IQGAP1: variants seen among roughly 807,000 people sequenced by gnomAD.
The protein encoded by IQGAP1 is ras GTPase-activating-like protein IQGAP1.
In IQGAP1, 66 loss-of-function variants were observed where a neutral mutation model predicts 215.6. The ratio of observed to expected loss-of-function variants is 0.31; its 90% confidence interval spans 0.25 to 0.38. The LOEUF is 0.38. IQGAP1 is among the 10% of genes least tolerant of loss of function. The pLI, the probability that IQGAP1 is intolerant of heterozygous loss-of-function variation, is 1.00. For synonymous variants in IQGAP1, 772 were observed against 728.7 expected, an observed-to-expected ratio of 1.06 and a Z score of -0.96; for missense variants, 1,712 against 1,997.1, an observed-to-expected ratio of 0.86 and a Z score of 2.72.
rs1965825798 is a variant in IQGAP1 at position 90,466,021 on chromosome 15, T to C, written c.1797T>C (p.Ala599=). ...TGTAGGAAATCCAGGATGAGTCAGC[T>C]GTGTTATGGTTGGATGAAATTCAAG... ...EKAQEIQDES[A]VLWLDEIQGG... The change falls in exon 16 of 38, where the codon GCT becomes GCC. Residue 599 remains alanine, a synonymous_variant. Coordinates refer to ENST00000268182, the MANE Select transcript of IQGAP1 (RefSeq NM_003870.4). 1 of 1,614,152 alleles carries C rather than the reference T, an allele frequency of 6.2e-7. No homozygotes were observed. Among genetic ancestry groups the C allele is most frequent in the Non-Finnish European group, 8.5e-7 (1 of 1,179,988 alleles).
chr15:90,439,048 G>A (rs1313609675), intron 5 of IQGAP1, among the ~76,000 whole-genome samples: 1 of 152,042 alleles, frequency 6.6e-6, no homozygotes, highest in African/African-American at 2.4e-5. Context: ...TATGCATTGA[G>A]TTTGTGCCAG....
intron 2 of IQGAP1, among the ~76,000 whole-genome samples, chr15:90,419,739 G>A (rs17176602): frequency 0.07 from 10,693 of 152,184 alleles, 473 homozygotes; most frequent in Middle Eastern, 0.2. Context: ...GGGGAAAAAC[G>A]AGTCTCTGTT....
At chr15:90,432,911 T>C (rs574431607) in intron 4 of IQGAP1, among the ~76,000 whole-genome samples, 5 of 152,310 alleles carry the variant, frequency 3.3e-5, no homozygotes, top group South Asian at 4.1e-4. Context: ...AGTTCAAGGC[T>C]ATTCCCAGTC....
At chr15:90,465,348 A>G (rs150375749) in intron 15 of IQGAP1, among the ~76,000 whole-genome samples, 121 of 152,298 alleles carry the variant, frequency 7.9e-4, no homozygotes, top group Middle Eastern at 6.8e-3. Context: ...ATATTCATAT[A>G]TATACCCTGG....
At chr15:90,479,898 C>G (rs1966033129) in intron 26 of IQGAP1, among the ~76,000 whole-genome samples, 1 of 152,090 alleles carries the variant, frequency 6.6e-6, no homozygotes, top group South Asian at 2.1e-4. Flanking sequence ...AAGTGCAATA[C>G]TTGTCTGGGA....
intron 15 of IQGAP1, among the ~76,000 whole-genome samples, chr15:90,462,002 A>AGATAAAG (rs1555439596): frequency 7.0e-6 from 1 of 143,416 alleles, no homozygotes; most frequent in East Asian, 2.0e-4. Context: ...AAAAAAAAGA[A>AGATAAAG]AAAAAAAAAA....
At chr15:90,403,029 C>T (rs960731283) in intron 2 of IQGAP1, among the ~76,000 whole-genome samples, 19 of 151,984 alleles carry the variant, frequency 1.3e-4, no homozygotes, top group Admixed American at 8.5e-4. Context: ...CCAACACTTA[C>T]GGAGGCCGAG....
chr15:90,461,452 TGATA>T (rs547822045), intron 15 of IQGAP1, among the ~76,000 whole-genome samples: 145 of 152,364 alleles, frequency 9.5e-4, no homozygotes, highest in African/African-American at 3.4e-3. Context: ...GTGGGACTCT[TGATA>T]AAAGTGGATT....
intron 33 of IQGAP1, among the ~76,000 whole-genome samples, chr15:90,490,376 G>A (rs947441489): frequency 6.6e-6 from 1 of 152,214 alleles, no homozygotes; most frequent in African/African-American, 2.4e-5. Context: ...GGTGATAAGA[G>A]CAGTAAAGAA....
At chr15:90,416,731 C>T (rs1965056090) in intron 2 of IQGAP1, among the ~76,000 whole-genome samples, 1 of 152,138 alleles carries the variant, frequency 6.6e-6, no homozygotes, top group African/African-American at 2.4e-5. Context: ...GTGCCCGCCA[C>T]CACGCCCAGC....
At chr15:90,499,907 C>T (rs1966319022) in intron 37 of IQGAP1, 88 bp from the exon 38 acceptor site, 4 of 852,392 alleles carry the variant, frequency 4.7e-6, no homozygotes, top group Non-Finnish European at 7.7e-6. Flanking sequence ...ATCTGGATCC[C>T]TCCCTACATT....
At chr15:90,427,246 A>G (rs1965236553) in intron 3 of IQGAP1, among the ~76,000 whole-genome samples, 1 of 152,260 alleles carries the variant, frequency 6.6e-6, no homozygotes, top group East Asian at 1.9e-4. Context: ...TGTCTCTTAA[A>G]AAAAGAAATG....
intron 11 of IQGAP1, 66 bp from the exon 12 acceptor site, chr15:90,452,709 T>G: frequency 6.6e-7 from 1 of 1,519,474 alleles, no homozygotes; most frequent in Non-Finnish European, 9.0e-7. Context: ...CCCATGAAGA[T>G]TGGCACCTTC....
chr15:90,497,297 A>C lies in IQGAP1; in HGVS notation c.4817A>C (p.Lys1606Thr). Residue 1606 changes from lysine (K) to threonine (T), a missense_variant, in exon 37 of 38, where the codon AAA becomes ACA. Coordinates refer to ENST00000268182, the MANE Select transcript of IQGAP1 (RefSeq NM_003870.4). Reference protein sequence around the residue: ...EEVGDFEVKAKFMGVQMETFM... With the variant: ...EEVGDFEVKATFMGVQMETFM... ...GTTGGAGACTTCGAAGTGAAAGCCA[A>C]ATTCATGGGAGTTCAAATGGAGACT... 6.2e-7 allele frequency: 1 copy of C among 1,611,160 alleles called. No individual in the cohort carries two copies. The highest frequency in any genetic ancestry group is 8.5e-7 in the Non-Finnish European group (1 of 1,177,366).
At chr15:90,469,555 T>G (rs571799192) in intron 18 of IQGAP1, among the ~76,000 whole-genome samples, 13 of 152,322 alleles carry the variant, frequency 8.5e-5, no homozygotes, top group African/African-American at 3.1e-4. Flanking sequence ...GACAGAAATA[T>G]GTATCAGAGA....
intron 5 of IQGAP1, 101 bp from the exon 6 acceptor site, chr15:90,439,231 C>T (rs1326105646): frequency 2.7e-6 from 2 of 748,678 alleles, no homozygotes; most frequent in Non-Finnish European, 4.6e-6. Flanking sequence ...TCTCAGTGTT[C>T]AGAATACTTC....
chr15:90,454,361 A>G (rs1965649082), intron 13 of IQGAP1, 67 bp from the exon 14 acceptor site: 5 of 1,592,896 alleles, frequency 3.1e-6, no homozygotes, highest in Non-Finnish European at 3.4e-6. Context: ...TACCCTAGCA[A>G]TCTTTGTTCC....
At chr15:90,400,186 A>G (rs1964785939) in intron 2 of IQGAP1, among the ~76,000 whole-genome samples, 1 of 152,062 alleles carries the variant, frequency 6.6e-6, no homozygotes. Context: ...AGCTTTAGGA[A>G]ATTGTCCATT....
rs1201540514 is a variant in IQGAP1 at position 90,501,949 on chromosome 15, T to TA, written c.*1845dup. 1 of 152,330 alleles carries TA rather than the reference T, an allele frequency of 6.6e-6. No individual in the cohort carries two copies. The highest frequency in any genetic ancestry group is 1.5e-5 in the Non-Finnish European group (1 of 68,042). 9.4% of individuals were successfully genotyped at this position (152,330 alleles called of 1,614,324 possible). On this transcript the variant is annotated 3_prime_UTR_variant, in exon 38 of 38. Coordinates refer to ENST00000268182, the MANE Select transcript of IQGAP1 (RefSeq NM_003870.4). Reference sequence around the variant, plus strand: ...ACACAATTGCTAATGCAGAATAGTGTAAAATGCGCTTCAAGAATGTTGATG... The same window carrying TA: ...ACACAATTGCTAATGCAGAATAGTGTAAAAATGCGCTTCAAGAATGTTGATG...
Sources: gnomAD v4.1 joint callset for allele counts (sites outside exome capture counted in the v4.1 genomes callset) on GRCh38, gnomAD v4.1.1 for gene constraint, MANE v1.5 for transcripts, NCBI Gene and HGNC (gene_info 2026-07-23, HGNC 2026-07-21) for gene names.